The following MYOM1 variants were observed in gnomAD, a reference collection of about 807,000 sequenced individuals.
The protein encoded by MYOM1 is myomesin-1.
MYOM1 carries 164 observed loss-of-function variants against 205.3 expected under a neutral mutation model. That is an observed-to-expected ratio of 0.80 (90% CI 0.70 to 0.91). The LOEUF (loss-of-function observed/expected upper bound fraction) is 0.91. MYOM1 is among the 40% of genes least tolerant of loss of function. The pLI is 0.00. For missense variants in MYOM1, 2,011 were observed against 2,127.3 expected (o/e 0.95, Z 1.08); for synonymous variants, 772 against 789.4 (o/e 0.98, Z 0.37).
chr18:3,083,284 CCT>C (rs2079105780), intron 33 of MYOM1, among the ~76,000 whole-genome samples: 1 of 152,006 alleles, frequency 6.6e-6, no homozygotes, highest in African/African-American at 2.4e-5. Flanking sequence ...ATGTTTATCT[CCT>C]GGGCTCACCA....
chr18:3,176,210 G>C, intron 5 of MYOM1, 76 bp from the exon 6 acceptor site: 1 of 836,252 alleles, frequency 1.2e-6, no homozygotes, highest in Admixed American at 2.0e-5. Context: ...CACAATTCTT[G>C]TTCTTGCAGG....
intron 5 of MYOM1, among the ~76,000 whole-genome samples, chr18:3,184,646 C>G (rs927278567): frequency 3.9e-5 from 6 of 152,138 alleles, no homozygotes; most frequent in Admixed American, 6.5e-5. Context: ...CTCACTGAAG[C>G]CTTGTTGTTC....
At chr18:3,103,184 G>A (rs2079404320) in intron 22 of MYOM1, among the ~76,000 whole-genome samples, 1 of 152,176 alleles carries the variant, frequency 6.6e-6, no homozygotes, top group African/African-American at 2.4e-5. Flanking sequence ...AAGTCTTTAA[G>A]TCATTTAAGA....
chr18:3,159,338 T>C (rs2080347546), intron 10 of MYOM1, among the ~76,000 whole-genome samples: 1 of 152,240 alleles, frequency 6.6e-6, no homozygotes, highest in African/African-American at 2.4e-5. Flanking sequence ...GTGTGGAAGC[T>C]GTTTTCTAAG....
chr18:3,214,001 C>T (rs1414513203), intron 2 of MYOM1, among the ~76,000 whole-genome samples: 1 of 152,166 alleles, frequency 6.6e-6, no homozygotes, highest in Non-Finnish European at 1.5e-5. Context: ...TGTTTAGTCT[C>T]CTTCATTGCA....
At chr18:3,143,117 T>G (rs2080075480) in intron 13 of MYOM1, among the ~76,000 whole-genome samples, 1 of 152,024 alleles carries the variant, frequency 6.6e-6, no homozygotes, top group Non-Finnish European at 1.5e-5. Flanking sequence ...AAAACAGTGA[T>G]AAAGAGAATA....
At chr18:3,173,483 G>A (rs1402893006) in intron 8 of MYOM1, among the ~76,000 whole-genome samples, 2 of 151,892 alleles carry the variant, frequency 1.3e-5, no homozygotes, top group African/African-American at 2.4e-5. Context: ...GTGTAGGGGC[G>A]GCAGTGGGGG....
chr18:3,232,725 C>T, the MYOM1 span, among the ~76,000 whole-genome samples: 1 of 152,136 alleles, frequency 6.6e-6, no homozygotes, highest in Non-Finnish European at 1.5e-5. Flanking sequence ...TCCATGCTTA[C>T]CTATAATTCA....
chr18:3,122,506 T>C (rs148164549), intron 19 of MYOM1, among the ~76,000 whole-genome samples: 1 of 152,220 alleles, frequency 6.6e-6, no homozygotes, highest in Non-Finnish European at 1.5e-5. Context: ...AACTTTATGA[T>C]GTGTGAATTA....
At chr18:3,224,734 G>A (rs931822210), upstream of MYOM1, among the ~76,000 whole-genome samples, 3 of 151,572 alleles carry the variant, frequency 2.0e-5, no homozygotes, top group African/African-American at 7.3e-5. Context: ...GCATAATCTC[G>A]GCTCACTGCA....
At chr18:3,244,938 A>G in the MYOM1 span, among the ~76,000 whole-genome samples, 1 of 144,866 alleles carries the variant, frequency 6.9e-6, no homozygotes, top group Non-Finnish European at 1.5e-5. Flanking sequence ...TAAAAATACA[A>G]AAAAAAAAAT....
chr18:3,167,994 A>G (rs2080497757), intron 9 of MYOM1, among the ~76,000 whole-genome samples: 1 of 152,226 alleles, frequency 6.6e-6, no homozygotes, highest in Non-Finnish European at 1.5e-5. Flanking sequence ...AATATGATGT[A>G]AAACAAAAGG....
At chr18:3,083,427 C>CTTTTTTTTTTTTTTTTTTTTTTTTT (rs35959808) in intron 33 of MYOM1, among the ~76,000 whole-genome samples, 27 of 98,528 alleles carry the variant, frequency 2.7e-4, no homozygotes, top group Non-Finnish European at 4.1e-4. Context: ...TTTTCTTTTT[C>CTTTTTTTTTTTTTTTTTTTTTTTTT]TTTTTTTTTT....
intron 23 of MYOM1, among the ~76,000 whole-genome samples, chr18:3,101,989 ATTTTTTTTTTTT>A (rs35882298): frequency 4.7e-4 from 26 of 55,856 alleles, no homozygotes; most frequent in African/African-American, 1.4e-3. Context: ...TCAGTCTGGG[ATTTTTTTTTTTT>A]TTTTTTTTTT....
At chr18:3,161,683 TTTG>T (rs1462129673) in intron 10 of MYOM1, among the ~76,000 whole-genome samples, 8 of 152,178 alleles carry the variant, frequency 5.3e-5, no homozygotes, top group Admixed American at 6.5e-5. Flanking sequence ...AAACAAATCT[TTTG>T]TTATTTCATT....
chr18:3,166,615 G>A (rs867487052), intron 9 of MYOM1, among the ~76,000 whole-genome samples: 68 of 152,040 alleles, frequency 4.5e-4, no homozygotes, highest in African/African-American at 1.5e-3. Flanking sequence ...AACTAATTAT[G>A]TAACTTTCAG....
chr18:3,113,023 C>T (rs12957474), intron 21 of MYOM1, among the ~76,000 whole-genome samples: 122,297 of 152,004 alleles, frequency 0.8, 49,634 homozygotes, highest in Admixed American at 0.88. Flanking sequence ...TTGTGAATAA[C>T]CAAAGTGTAT....
At chr18:3,139,210 C>T (rs1217993278) in intron 14 of MYOM1, among the ~76,000 whole-genome samples, 1 of 152,200 alleles carries the variant, frequency 6.6e-6, no homozygotes, top group Non-Finnish European at 1.5e-5. Flanking sequence ...ATGTAAGGTG[C>T]TTAGAACAGT....
chr18:3,124,449 T>A (rs2079747563), intron 19 of MYOM1, among the ~76,000 whole-genome samples: 1 of 150,374 alleles, frequency 6.7e-6, no homozygotes, highest in Non-Finnish European at 1.5e-5. Flanking sequence ...ACTCCACCAC[T>A]CCTGGGACTC....
Sources: gnomAD v4.1 joint callset for allele counts (sites outside exome capture counted in the v4.1 genomes callset) on GRCh38, gnomAD v4.1.1 for gene constraint, MANE v1.5 for transcripts, NCBI Gene and HGNC (gene_info 2026-07-23, HGNC 2026-07-21) for gene names.